The following FBXW7 variants were observed in gnomAD, a reference collection of about 807,000 sequenced individuals.
The protein encoded by FBXW7 is F-box and WD repeat domain containing 7.
Under a neutral mutation model 86.3 loss-of-function variants are expected in FBXW7, and 11 were observed. That is an observed-to-expected ratio of 0.13 (90% CI 0.08 to 0.21). The LOEUF (loss-of-function observed/expected upper bound fraction) is 0.21. FBXW7 is among the 10% of genes least tolerant of loss of function. The pLI, the probability that FBXW7 is intolerant of heterozygous loss-of-function variation, is 1.00. For missense variants in FBXW7, 488 were observed against 847.4 expected, an observed-to-expected ratio of 0.58 and a Z score of 5.27; for synonymous variants, 313 against 297.9, an observed-to-expected ratio of 1.05 and a Z score of -0.52.
At chr4:152,327,013 C>T (rs1190767246) in intron 11 of FBXW7, among the ~76,000 whole-genome samples, 2 of 152,018 alleles carry the variant, frequency 1.3e-5, no homozygotes, top group Admixed American at 1.3e-4. Flanking sequence ...CTTCTGAAAA[C>T]CAGAGCAATA....
chr4:152,507,224 A>C (rs1383218129), intron 2 of FBXW7, among the ~76,000 whole-genome samples: 1 of 152,236 alleles, frequency 6.6e-6, no homozygotes, highest in Non-Finnish European at 1.5e-5. Context: ...ATGGAAGTGA[A>C]CTGAGAGTAC....
At chr4:152,406,990 T>A (rs1483997088) in intron 4 of FBXW7, among the ~76,000 whole-genome samples, 1 of 152,320 alleles carries the variant, frequency 6.6e-6, no homozygotes, top group South Asian at 2.1e-4. Flanking sequence ...CTGCAAAATA[T>A]CTGAGTGTCC....
chr4:152,431,309 C>T (rs758504620), intron 2 of FBXW7, among the ~76,000 whole-genome samples: 3 of 152,078 alleles, frequency 2.0e-5, no homozygotes, highest in Non-Finnish European at 4.4e-5. Flanking sequence ...CCCCATTCTG[C>T]AAGGTAGAAT....
chr4:152,506,053 G>C (rs1279712196), intron 2 of FBXW7, among the ~76,000 whole-genome samples: 2 of 152,012 alleles, frequency 1.3e-5, no homozygotes, highest in Admixed American at 6.6e-5. Flanking sequence ...AGTAACAACA[G>C]AAAGTGCAGT....
At chr4:152,355,984 A>AATAT (rs1428792384) in intron 4 of FBXW7, among the ~76,000 whole-genome samples, 1 of 152,164 alleles carries the variant, frequency 6.6e-6, no homozygotes, top group Non-Finnish European at 1.5e-5. Context: ...CAGTGAGAAA[A>AATAT]ATATACACAA....
chr4:152,392,306 G>C (rs1477636567), intron 4 of FBXW7, among the ~76,000 whole-genome samples: 2 of 152,056 alleles, frequency 1.3e-5, no homozygotes, highest in African/African-American at 2.4e-5. Context: ...GACTTCACAG[G>C]CTGAGTCATA....
chr4:152,350,379 TTA>T (rs576518009), intron 4 of FBXW7, among the ~76,000 whole-genome samples: 3 of 151,194 alleles, frequency 2.0e-5, no homozygotes, highest in Admixed American at 6.6e-5. Context: ...CTGATATTCA[TTA>T]TATATATATA....
intron 13 of FBXW7, chr4:152,323,911 G>A (rs1578868866): frequency 5.8e-6 from 2 of 342,560 alleles, no homozygotes; most frequent in East Asian, 1.1e-4. Context: ...ATATAGCCAA[G>A]ATCTTTCTTC....
chr4:152,408,440 A>G (rs1227858598), intron 4 of FBXW7, among the ~76,000 whole-genome samples: 1 of 152,254 alleles, frequency 6.6e-6, no homozygotes, highest in Non-Finnish European at 1.5e-5. Flanking sequence ...AGGAATAGCC[A>G]GCACACAACC....
chr4:152,370,974 C>A (rs942756416), intron 4 of FBXW7, among the ~76,000 whole-genome samples: 9 of 151,246 alleles, frequency 6.0e-5, no homozygotes, highest in Non-Finnish European at 1.0e-4. Context: ...TTTTACCCTT[C>A]ATATTTTAGG....
intron 4 of FBXW7, among the ~76,000 whole-genome samples, chr4:152,365,840 C>T (rs1316063632): frequency 1.3e-5 from 2 of 152,182 alleles, no homozygotes; most frequent in Non-Finnish European, 2.9e-5. Flanking sequence ...CACCTTGTTA[C>T]AGTGTGAGCA....
intron 2 of FBXW7, among the ~76,000 whole-genome samples, chr4:152,505,388 GTTT>G (rs750333524): frequency 6.6e-6 from 1 of 151,852 alleles, no homozygotes; most frequent in South Asian, 2.1e-4. Flanking sequence ...TTACTATAAC[GTTT>G]TTACTTTATG....
chr4:152,491,108 T>C (rs1321582521), intron 2 of FBXW7, among the ~76,000 whole-genome samples: 1 of 152,174 alleles, frequency 6.6e-6, no homozygotes, highest in Non-Finnish European at 1.5e-5. Context: ...TTTCCGGATA[T>C]AGTTCCAGAT....
At chr4:152,419,648 A>C (rs1386046539) in intron 2 of FBXW7, among the ~76,000 whole-genome samples, 1 of 152,062 alleles carries the variant, frequency 6.6e-6, no homozygotes, top group Non-Finnish European at 1.5e-5. Context: ...GGAGGAGGTT[A>C]ATGATTTCAC....
At chr4:152,458,349 G>C (rs1197123697) in intron 2 of FBXW7, among the ~76,000 whole-genome samples, 1 of 152,192 alleles carries the variant, frequency 6.6e-6, no homozygotes, top group Non-Finnish European at 1.5e-5. Context: ...GGTTGACATA[G>C]TGGTCAAAAA....
intron 4 of FBXW7, among the ~76,000 whole-genome samples, chr4:152,393,012 T>C (rs189114428): frequency 6.6e-6 from 1 of 152,320 alleles, no homozygotes; most frequent in African/African-American, 2.4e-5. Context: ...CTTTTGTCTA[T>C]ATTCCAAGCA....
In FBXW7 at chr4:152,428,555, C is replaced by T. The variant is rs533728817; in HGVS notation, c.-119-16026G>A. On this transcript the variant is annotated intron_variant, in intron 2 of 13. Transcript: ENST00000281708. ...ACTTTTATCAGATGGATTGTGCCTGCGAGGCAGCGTAGCACAGGTTCTGAA... is the reference window on the plus strand; with the variant it reads ...ACTTTTATCAGATGGATTGTGCCTGTGAGGCAGCGTAGCACAGGTTCTGAA... Among the ~76,000 whole-genome samples, 9 of 152,232 alleles carry T rather than the reference C, an allele frequency of 5.9e-5. No individual in the cohort carries two copies. The South Asian group carries it at 1.4e-3, about 25-fold the overall frequency.
rs906482692 is a variant in FBXW7 at position 152,411,570 on chromosome 4, T to C, written c.234A>G (p.Glu78=). Residue 78 remains glutamate, a synonymous_variant, in exon 4 of 14, where the codon GAA becomes GAG. Coordinates refer to ENST00000281708, the MANE Select transcript of FBXW7 (RefSeq NM_001349798.2). ...GQNDSQQGQL[E]ENNNRFISVD... ...CCGAAATAAATCTATTATTGTTTTCTTCCAACTGTCCTTGCTGGGAATCAT... is the reference window on the plus strand; with the variant it reads ...CCGAAATAAATCTATTATTGTTTTCCTCCAACTGTCCTTGCTGGGAATCAT... The C allele has an allele frequency of 1.5e-5, 25 of 1,613,904 alleles. No homozygotes were observed. The highest frequency in any genetic ancestry group is 2.1e-5 in the Non-Finnish European group (25 of 1,179,936).
chr4:152,359,126 G>A (rs192994126), intron 4 of FBXW7, among the ~76,000 whole-genome samples: 1 of 152,286 alleles, frequency 6.6e-6, no homozygotes, highest in African/African-American at 2.4e-5. Context: ...TGGGAAATCT[G>A]AGGCAAAGGC....
Sources: gnomAD v4.1 joint callset for allele counts (sites outside exome capture counted in the v4.1 genomes callset) on GRCh38, gnomAD v4.1.1 for gene constraint, MANE v1.5 for transcripts, NCBI Gene and HGNC (gene_info 2026-07-23, HGNC 2026-07-21) for gene names.